Variants in PSEN2 observed in about 807,000 individuals in gnomAD.
PSEN2 encodes presenilin 2.
In PSEN2, 32 loss-of-function variants were observed where a neutral mutation model predicts 49.1. The ratio of observed to expected loss-of-function variants is 0.65; its 90% CI spans 0.49 to 0.88. The LOEUF is 0.88. PSEN2 is among the 40% of genes least tolerant of loss of function. The pLI, the probability that PSEN2 is intolerant of heterozygous loss-of-function variation, is 0.00. For missense variants in PSEN2, 522 were observed against 586.9 expected (o/e 0.89, Z 1.14); for synonymous variants, 255 against 244.0 (o/e 1.05, Z -0.42).
At chr1:226,900,624 A>T (rs1439369935), downstream of PSEN2, among the ~76,000 whole-genome samples, 1 of 152,160 alleles carries the variant, frequency 6.6e-6, no homozygotes, top group Non-Finnish European at 1.5e-5. Context: ...GAATGGTGGT[A>T]GGGAGGAAGG....
intron 6 of PSEN2, among the ~76,000 whole-genome samples, chr1:226,887,492 A>G (rs1054906605): frequency 6.6e-6 from 1 of 151,426 alleles, no homozygotes; most frequent in African/African-American, 2.4e-5. Flanking sequence ...CTTGTCCTTC[A>G]CTCTCCCATC....
downstream of PSEN2, among the ~76,000 whole-genome samples, chr1:226,900,062 A>G (rs1662261560): frequency 6.6e-6 from 1 of 152,196 alleles, no homozygotes; most frequent in African/African-American, 2.4e-5. Flanking sequence ...CAATGCAGAT[A>G]ATGAAGTTAC....
chr1:226,882,428 A>G (rs901256419), intron 4 of PSEN2, among the ~76,000 whole-genome samples: 2 of 152,184 alleles, frequency 1.3e-5, no homozygotes, highest in Admixed American at 1.3e-4. Flanking sequence ...ATGGCCAGAC[A>G]TGGTAAGTGT....
intron 5 of PSEN2, chr1:226,884,618 A>T (rs1661230185): frequency 6.7e-6 from 1 of 149,304 alleles, no homozygotes; most frequent in South Asian, 2.1e-4. Flanking sequence ...TGTTTCTTTT[A>T]AAGAAAGGAA....
At chr1:226,894,165 G>A in intron 12 of PSEN2, 40 bp downstream of exon 12, 1 of 1,517,138 alleles carries the variant, frequency 6.6e-7, no homozygotes. Context: ...TCGTGGTGGG[G>A]GCCCCCAGGG....
chr1:226,887,779 A>G (rs1395548283), intron 6 of PSEN2, among the ~76,000 whole-genome samples: 2 of 152,150 alleles, frequency 1.3e-5, no homozygotes, highest in Non-Finnish European at 2.9e-5. Flanking sequence ...AGCCTAGAAC[A>G]GTGCCTGGCA....
chr1:226,895,015 C>A (rs926583811), intron 12 of PSEN2, among the ~76,000 whole-genome samples: 1 of 152,200 alleles, frequency 6.6e-6, no homozygotes, highest in Non-Finnish European at 1.5e-5. Context: ...GGTTGCCTGG[C>A]GGCTCTGATT....
At chr1:226,893,801 A>C (rs533050660) in intron 11 of PSEN2, among the ~76,000 whole-genome samples, 1 of 152,300 alleles carries the variant, frequency 6.6e-6, no homozygotes, top group South Asian at 2.1e-4. Context: ...TAAGTCACCC[A>C]GTCCACAGGT....
At chr1:226,879,317 G>T (rs548202261) in intron 3 of PSEN2, among the ~76,000 whole-genome samples, 11 of 152,336 alleles carry the variant, frequency 7.2e-5, no homozygotes, top group African/African-American at 2.4e-4. Flanking sequence ...CTGGTTCCCA[G>T]AACTTCCCTG....
At chr1:226,871,579 A>G (rs1660295405) in intron 2 of PSEN2, among the ~76,000 whole-genome samples, 175 bp downstream of exon 2, 1 of 152,230 alleles carries the variant, frequency 6.6e-6, no homozygotes, top group African/African-American at 2.4e-5. Flanking sequence ...AGAACCTGAG[A>G]GCATTCCATA....
chr1:226,889,147 C>A, intron 8 of PSEN2, 98 bp downstream of exon 8: 2 of 1,143,700 alleles, frequency 1.7e-6, no homozygotes, highest in Non-Finnish European at 2.5e-6. Context: ...GAAGGGCTTG[C>A]ATCCCTTTCT....
intron 12 of PSEN2, among the ~76,000 whole-genome samples, chr1:226,902,061 C>A (rs140592543): frequency 6.6e-5 from 10 of 152,264 alleles, no homozygotes; most frequent in African/African-American, 2.4e-4. Context: ...GGTCCCCAAT[C>A]TTTAGGGACC....
chr1:226,873,994 A>G (rs921591052), intron 2 of PSEN2, among the ~76,000 whole-genome samples: 2 of 151,948 alleles, frequency 1.3e-5, no homozygotes, highest in African/African-American at 2.4e-5. Context: ...CCCCATGCCC[A>G]TATGTGGGCA....
rs1203665828 is a variant in PSEN2 at position 226,881,913 on chromosome 1, C to G, written c.6C>G (p.Leu2=). Residue 2 remains leucine (L), a synonymous_variant, in exon 4 of 13, where the codon CTC becomes CTG. Coordinates refer to ENST00000366783, the MANE Select transcript of PSEN2 (RefSeq NM_000447.3). M[L]TFMASDSEEE... is the part of the protein sequence containing the mutation. ...GTGCTTCCAGAGGCAGGGCTATGCT[C>G]ACATTCATGGCCTCTGACAGCGAGG... 4.3e-6 allele frequency: 7 copies of G among 1,614,208 alleles called. No homozygotes were observed. In the South Asian group the frequency reaches 7.7e-5, roughly 18 times the overall value.
At chr1:226,872,412 T>C (rs1225807731) in intron 2 of PSEN2, among the ~76,000 whole-genome samples, 1 of 152,220 alleles carries the variant, frequency 6.6e-6, no homozygotes, top group African/African-American at 2.4e-5. Context: ...GTTCAGGGAG[T>C]TAAGCAGCTA....
At chr1:226,894,152 G>A (rs1343951352) in intron 12 of PSEN2, 27 bp downstream of exon 12, 9 of 1,583,496 alleles carry the variant, frequency 5.7e-6, no homozygotes, top group Non-Finnish European at 7.8e-6. Flanking sequence ...GCGTCCAGCT[G>A]CCTCGTGGTG....
chr1:226,872,842 A>G (rs190108721), intron 2 of PSEN2, among the ~76,000 whole-genome samples: 209 of 152,250 alleles, frequency 1.4e-3, no homozygotes, highest in Non-Finnish European at 9.6e-4. Context: ...CTGGGCTCCA[A>G]TCCTGGAGAT....
intron 2 of PSEN2, among the ~76,000 whole-genome samples, chr1:226,873,037 C>T (rs972567037): frequency 4.0e-4 from 61 of 152,164 alleles, no homozygotes; most frequent in African/African-American, 1.4e-3. Flanking sequence ...ATTAGCCGGG[C>T]GTGGTGGCAC....
intron 3 of PSEN2, among the ~76,000 whole-genome samples, chr1:226,877,536 C>T (rs565463456): frequency 2.0e-5 from 3 of 152,312 alleles, no homozygotes; most frequent in East Asian, 3.9e-4. Context: ...TGCCTCCCAC[C>T]TGTCACCCCC....
Sources: gnomAD v4.1 joint callset for allele counts (sites outside exome capture counted in the v4.1 genomes callset) on GRCh38, gnomAD v4.1.1 for gene constraint, MANE v1.5 for transcripts, NCBI Gene and HGNC (gene_info 2026-07-23, HGNC 2026-07-21) for gene names.